The following IL7 variants were observed in gnomAD, a reference collection of about 807,000 sequenced individuals.
The protein encoded by IL7 is interleukin-7.
A neutral mutation model predicts 21.6 loss-of-function variants in IL7; 3 were observed. The observed-to-expected ratio is 0.14, with a 90% CI of 0.06 to 0.36. The LOEUF (loss-of-function observed/expected upper bound fraction) is 0.36. Ranked by LOEUF, IL7 falls within the 10% of genes least tolerant of loss-of-function variation. The pLI is 1.00. For missense variants in IL7, 175 were observed against 200.2 expected, an observed-to-expected ratio of 0.87 and a Z score of 0.76; for synonymous variants, 62 against 68.1, an observed-to-expected ratio of 0.91 and a Z score of 0.44.
chr8:78,689,403 C>G (rs78933754), intron 3 of IL7: 1 of 1,525,622 alleles, frequency 6.6e-7, no homozygotes, highest in Non-Finnish European at 8.8e-7. Context: ...TTGCTATAAA[C>G]GAGAAAATGG....
chr8:78,694,035 A>T (rs1159491807), intron 3 of IL7, among the ~76,000 whole-genome samples: 3 of 152,186 alleles, frequency 2.0e-5, no homozygotes, highest in Non-Finnish European at 2.9e-5. Context: ...CAAAGATCAG[A>T]TAGTTGTAGA....
intron 2 of IL7, among the ~76,000 whole-genome samples, chr8:78,785,313 T>A (rs1813472326): frequency 1.3e-5 from 2 of 152,216 alleles, no homozygotes; most frequent in Admixed American, 1.3e-4. Flanking sequence ...GAACAATTAT[T>A]CATAAAATGG....
chr8:78,781,867 G>A (rs1451641233), intron 2 of IL7, among the ~76,000 whole-genome samples: 1 of 152,116 alleles, frequency 6.6e-6, no homozygotes, highest in Non-Finnish European at 1.5e-5. Flanking sequence ...ATCAGGCGTA[G>A]GTTTTGTGGG....
chr8:78,697,253 T>A (rs536104893), intron 3 of IL7, among the ~76,000 whole-genome samples: 1 of 152,380 alleles, frequency 6.6e-6, no homozygotes, highest in East Asian at 1.9e-4. Flanking sequence ...AATACATTAA[T>A]GATGTGCAAC....
chr8:78,695,078 G>A (rs948957728), intron 3 of IL7, among the ~76,000 whole-genome samples: 1 of 152,022 alleles, frequency 6.6e-6, no homozygotes, highest in Non-Finnish European at 1.5e-5. Flanking sequence ...TCTAGGTCAG[G>A]GAAAACAGCA....
At chr8:78,677,038 A>G (rs764915151) in intron 4 of IL7, among the ~76,000 whole-genome samples, 1 of 152,100 alleles carries the variant, frequency 6.6e-6, no homozygotes, top group Non-Finnish European at 1.5e-5. Context: ...GGTTGTTGAA[A>G]TGAAAACTGA....
chr8:78,769,704 C>G (rs1812886581), intron 2 of IL7, among the ~76,000 whole-genome samples: 1 of 152,032 alleles, frequency 6.6e-6, no homozygotes, highest in Non-Finnish European at 1.5e-5. Flanking sequence ...CATATGGAAC[C>G]AAAAAAGAGC....
chr8:78,786,384 G>T (rs1813510330), intron 2 of IL7, among the ~76,000 whole-genome samples: 1 of 152,178 alleles, frequency 6.6e-6, no homozygotes, highest in South Asian at 2.1e-4. Flanking sequence ...TAGTACACTT[G>T]TATAGGGCAC....
chr8:78,686,485 C>A (rs755837884), intron 3 of IL7: 2 of 1,512,278 alleles, frequency 1.3e-6, no homozygotes, highest in South Asian at 1.4e-5. Context: ...ACCAAAGAAA[C>A]CATCTAATTG....
intron 3 of IL7, 149 bp downstream of exon 3, chr8:78,739,853 T>C (rs1213875235): frequency 1.7e-6 from 1 of 596,840 alleles, no homozygotes; most frequent in African/African-American, 1.9e-5. Flanking sequence ...AAATATAAAA[T>C]TGGGCCATAG....
At chr8:78,799,493 T>C (rs1813978630) in intron 1 of IL7, among the ~76,000 whole-genome samples, 1 of 152,166 alleles carries the variant, frequency 6.6e-6, no homozygotes, top group Non-Finnish European at 1.5e-5. Flanking sequence ...CAAAAATTGA[T>C]AATTTTATTT....
At chr8:78,752,179 T>C (rs1812196427) in intron 2 of IL7, among the ~76,000 whole-genome samples, 2 of 152,226 alleles carry the variant, frequency 1.3e-5, no homozygotes, top group African/African-American at 4.8e-5. Flanking sequence ...TGTTTGTTGA[T>C]GGACACCTAA....
At position 78,804,972 on chromosome 8, in the gene IL7, C is replaced by T. The variant is rs770956188; in HGVS notation, c.-50G>A. On this transcript the variant is annotated 5_prime_UTR_variant, in exon 1 of 6. Coordinates refer to ENST00000263851, the MANE Select transcript of IL7 (RefSeq NM_000880.4). The stretch of plus-strand genomic sequence containing the variant: ...ATGATGACCGCAACTGGAGCAGGAG[C>T]AAGCTCTCACCGCCCATAGTCACTC... The T allele has an allele frequency of 6.3e-7, 1 of 1,598,796 alleles. No homozygotes were observed. The highest frequency in any genetic ancestry group is 1.3e-5 in the African/African-American group (1 of 74,698).
intron 2 of IL7, chr8:78,760,637 T>A: frequency 1.3e-6 from 2 of 1,582,536 alleles, no homozygotes; most frequent in Non-Finnish European, 1.7e-6. Context: ...TTTGAGGTGC[T>A]GTTCTGAGAA....
At chr8:78,762,917 G>C (rs1586080999) in intron 2 of IL7, among the ~76,000 whole-genome samples, 1 of 152,028 alleles carries the variant, frequency 6.6e-6, no homozygotes, top group Non-Finnish European at 1.5e-5. Context: ...TTCTTTCATA[G>C]AGAAAGACTT....
intron 4 of IL7, among the ~76,000 whole-genome samples, chr8:78,680,274 G>A (rs192275701): frequency 6.3e-5 from 8 of 127,490 alleles, no homozygotes; most frequent in East Asian, 2.3e-4. Context: ...GCGACAGAGC[G>A]AGACTCCGTC....
chr8:78,758,230 C>T (rs1049321776), intron 2 of IL7, among the ~76,000 whole-genome samples: 9 of 152,052 alleles, frequency 5.9e-5, no homozygotes, highest in African/African-American at 2.2e-4. Flanking sequence ...CCAGTCTATA[C>T]TTTATAATTG....
At chr8:78,786,087 A>G (rs1244855698) in intron 2 of IL7, among the ~76,000 whole-genome samples, 1 of 152,226 alleles carries the variant, frequency 6.6e-6, no homozygotes, top group East Asian at 1.9e-4. Context: ...ATACTGTGAA[A>G]TACAGTTATG....
chr8:78,715,131 A>G, downstream of IL7: 2 of 1,116,024 alleles, frequency 1.8e-6, no homozygotes, highest in Non-Finnish European at 2.5e-6. Context: ...TGAAGCTTCT[A>G]AGTATTCTTT....
Sources: gnomAD v4.1 joint callset for allele counts (sites outside exome capture counted in the v4.1 genomes callset) on GRCh38, gnomAD v4.1.1 for gene constraint, MANE v1.5 for transcripts, NCBI Gene and HGNC (gene_info 2026-07-23, HGNC 2026-07-21) for gene names.